STARD9: variants seen among roughly 807,000 people sequenced by gnomAD.
STARD9 encodes StAR related lipid transfer domain containing 9, also known as stAR-related lipid transfer protein 9.
STARD9 carries 346 observed loss-of-function variants against 399.8 expected under a neutral mutation model. The ratio of observed to expected loss-of-function variants is 0.87; its 90% CI spans 0.79 to 0.95. The LOEUF (loss-of-function observed/expected upper bound fraction) is 0.95, where lower values mean the gene tolerates loss of function less well. STARD9 is among the 40% of genes least tolerant of loss of function. The probability of loss-of-function intolerance (pLI) is 0.00; values close to 1 mark genes in which losing one functional copy is unlikely to be tolerated. For missense variants in STARD9, 5,832 were observed against 5,667.5 expected (o/e 1.03, Z -0.93); for synonymous variants, 2,203 against 2,143.5 (o/e 1.03, Z -0.77).
chr15:42,674,542 C>T (rs933524394), intron 17 of STARD9, 51 bp downstream of exon 17: 29 of 1,490,424 alleles, frequency 1.9e-5, no homozygotes, highest in Admixed American at 3.9e-5. Context: ...TATTTGTGCC[C>T]GAAAGGTTTC....
Position 42,685,804 on chromosome 15 carries a change from C to T in STARD9, c.4226C>T (p.Ala1409Val). The change falls in exon 23 of 33, where the codon GCA becomes GTA. Residue 1409 changes from alanine (A) to valine (V), a missense_variant. Ala to Val is a moderately conservative substitution (Grantham distance 64, BLOSUM62 0). Around this residue, in one of 2 missense-constraint regions of STARD9, gnomAD observed 5,828 missense variants for 5,651.1 expected, o/e 1.03. Transcript: ENST00000290607. ...HQGSTELLCS[A>V]RDEHTASAAD... ...GGCAGTACTGAGCTCCTCTGCAGTG[C>T]AAGAGATGAGCACACAGCCTCTGCT... 1 of 1,537,230 alleles carries T rather than the reference C, an allele frequency of 6.5e-7. No individual in the cohort carries two copies. The highest frequency in any genetic ancestry group is 1.2e-5 in the South Asian group (1 of 84,058).
intron 3 of STARD9, among the ~76,000 whole-genome samples, chr15:42,624,772 C>G (rs140183846): frequency 6.6e-6 from 1 of 152,008 alleles, no homozygotes; most frequent in South Asian, 2.1e-4. Flanking sequence ...TGGTCTCGAA[C>G]TCCTGACCTC....
intron 1 of STARD9, among the ~76,000 whole-genome samples, chr15:42,582,851 C>T (rs2058202621): frequency 6.6e-6 from 1 of 152,160 alleles, no homozygotes; most frequent in Non-Finnish European, 1.5e-5. Flanking sequence ...TGAGCCACTG[C>T]TCCCCGCACT....
chr15:42,652,168 T>C (rs2059773826), intron 8 of STARD9, among the ~76,000 whole-genome samples: 1 of 152,188 alleles, frequency 6.6e-6, no homozygotes, highest in African/African-American at 2.4e-5. Context: ...TAAAATAAAG[T>C]GAAAGAATAA....
At chr15:42,617,443 A>G (rs868378411) in intron 3 of STARD9, among the ~76,000 whole-genome samples, 4 of 151,282 alleles carry the variant, frequency 2.6e-5, no homozygotes, top group Admixed American at 6.6e-5. Context: ...GCTCACTGCA[A>G]CCTACTCCTC....
rs1273205874 is a variant in STARD9 at position 42,687,981 on chromosome 15, G to T, written c.6403G>T (p.Val2135Phe). ...GGATAGTGAAGCTGGAGCGATGGAGGTTAACAGCATTGGGAACCATCCCCA... is the reference window on the plus strand; with the variant it reads ...GGATAGTGAAGCTGGAGCGATGGAGTTTAACAGCATTGGGAACCATCCCCA... ...FRDSEAGAMEVNSIGNHPQVQ... is the reference protein window; with the variant it reads ...FRDSEAGAMEFNSIGNHPQVQ... Residue 2135 changes from valine to phenylalanine, a missense_variant, in exon 23 of 33, where the codon GTT (valine) becomes TTT (phenylalanine). Transcript: ENST00000290607. 2.6e-6 allele frequency: 4 copies of T among 1,537,518 alleles called. No individual in the cohort carries two copies. The highest frequency in any genetic ancestry group is 1.7e-6 in the Non-Finnish European group (2 of 1,146,980).
intron 3 of STARD9, among the ~76,000 whole-genome samples, chr15:42,588,460 T>C (rs1046524171): frequency 6.6e-6 from 1 of 152,090 alleles, no homozygotes; most frequent in Non-Finnish European, 1.5e-5. Context: ...TCTCCTGAGG[T>C]TTCTTCTGGC....
intron 10 of STARD9, 134 bp downstream of exon 10, chr15:42,661,359 G>A: frequency 1.5e-6 from 1 of 677,774 alleles, no homozygotes; most frequent in East Asian, 2.8e-5. Context: ...TTGAATGCTA[G>A]GTTAAGAAGT....
intron 3 of STARD9, among the ~76,000 whole-genome samples, chr15:42,612,706 A>T (rs4447398): frequency 2.0e-5 from 3 of 152,060 alleles, no homozygotes; most frequent in Non-Finnish European, 4.4e-5. Flanking sequence ...AAAATCCAGC[A>T]GGTTGCAGTG....
intron 13 of STARD9, among the ~76,000 whole-genome samples, chr15:42,664,726 A>G (rs550441855): frequency 5.7e-4 from 86 of 151,922 alleles, no homozygotes; most frequent in Admixed American, 9.2e-4. Context: ...TGCAAATTGC[A>G]GTGACTTCTC....
At chr15:42,665,508 G>A (rs751020431) in intron 14 of STARD9, among the ~76,000 whole-genome samples, 178 bp downstream of exon 14, 2 of 152,164 alleles carry the variant, frequency 1.3e-5, no homozygotes, top group Non-Finnish European at 2.9e-5. Context: ...AGCTTCAGAT[G>A]GTGTGGGCAT....
At chr15:42,584,196 CAG>C (rs750755251) in intron 2 of STARD9, among the ~76,000 whole-genome samples, 2 of 152,030 alleles carry the variant, frequency 1.3e-5, no homozygotes, top group Admixed American at 6.6e-5. Context: ...ACTGGCAAAA[CAG>C]AGTTATTTGG....
chr15:42,675,862 C>T lies in STARD9; in HGVS notation c.1771-10C>T, dbSNP rs998371886. 1.2e-5 allele frequency: 19 copies of T among 1,537,036 alleles called. No individual in the cohort carries two copies. The African/African-American group carries it at 2.5e-4, about 20-fold the overall frequency. On this transcript the variant is annotated splice_polypyrimidine_tract_variant and intron_variant, in intron 19 of 32. Transcript: ENST00000290607. ...ACAGCAGCCTCACTGTGCTTTCTTCCTTGTTCAAGGTTGGAGAGGCTGCTG... is the reference window on the plus strand; with the variant it reads ...ACAGCAGCCTCACTGTGCTTTCTTCTTTGTTCAAGGTTGGAGAGGCTGCTG...
chr15:42,627,717 T>A (rs2059254053), intron 3 of STARD9, among the ~76,000 whole-genome samples: 1 of 152,218 alleles, frequency 6.6e-6, no homozygotes, highest in African/African-American at 2.4e-5. Context: ...TCACTTAATG[T>A]AATGTGTTCC....
At chr15:42,699,204 G>A (rs2060906947) in intron 26 of STARD9, among the ~76,000 whole-genome samples, 1 of 151,914 alleles carries the variant, frequency 6.6e-6, no homozygotes. Context: ...TAGCCAACTT[G>A]AAATATACAT....
intron 3 of STARD9, among the ~76,000 whole-genome samples, chr15:42,588,599 T>C (rs1292275887): frequency 1.3e-5 from 2 of 152,038 alleles, no homozygotes; most frequent in African/African-American, 2.4e-5. Context: ...GACTCATATC[T>C]ACATGATACA....
intron 26 of STARD9, among the ~76,000 whole-genome samples, chr15:42,714,916 AT>A (rs2061323368): frequency 6.6e-6 from 1 of 151,070 alleles, no homozygotes; most frequent in South Asian, 2.1e-4. Flanking sequence ...ATGGATATTT[AT>A]TTTTGGAAGT....
At chr15:42,699,392 C>CTTCTTTTTTTTTTTT (rs2060911111) in intron 26 of STARD9, among the ~76,000 whole-genome samples, 2 of 113,280 alleles carry the variant, frequency 1.8e-5, no homozygotes, top group East Asian at 2.5e-4. Flanking sequence ...TTTTTCTTTT[C>CTTCTTTTTTTTTTTT]TTTTTTTTTT....
intron 1 of STARD9, among the ~76,000 whole-genome samples, chr15:42,582,261 A>G (rs1297907015): frequency 2.0e-5 from 3 of 152,208 alleles, no homozygotes; most frequent in Non-Finnish European, 2.9e-5. Flanking sequence ...GACTGAAGGT[A>G]TTGTCTCAAC....
Sources: allele counts gnomAD v4.1 joint callset (sites outside exome capture counted in the v4.1 genomes callset), GRCh38; gene constraint gnomAD v4.1.1; regional missense constraint gnomAD v4.1.1; transcripts MANE v1.5; gene names NCBI Gene and HGNC (gene_info 2026-07-23, HGNC 2026-07-21).